The following SMAD2 variants were observed in gnomAD, a reference collection of about 807,000 sequenced individuals.
The protein encoded by SMAD2 is SMAD family member 2, also known as MAD homolog 2.
In SMAD2, 8 loss-of-function variants were observed where a neutral mutation model predicts 64.4. The ratio of observed to expected loss-of-function variants is 0.12; its 90% confidence interval spans 0.07 to 0.22. SMAD2 has a LOEUF of 0.22. Among genes scored for constraint, SMAD2 ranks in the 10% least tolerant of loss-of-function variants. SMAD2 has a pLI of 1.00. For missense variants in SMAD2, 289 were observed against 561.2 expected (o/e 0.51, Z 4.90); for synonymous variants, 203 against 195.8 (o/e 1.04, Z -0.31).
In SMAD2 at chr18:47,831,216, T is replaced by C. The variant is rs542075077; in HGVS notation, c.*10611A>G. ...ACCAGGCTTGTGGTTATCAATTTTC[T>C]GCTCACCATATAAGCAGTAGCTCAA... On this transcript the variant is annotated 3_prime_UTR_variant, in exon 11 of 11. Coordinates refer to ENST00000262160, the MANE Select transcript of SMAD2 (RefSeq NM_005901.6). 2.3e-4 allele frequency: 35 copies of C among 152,388 alleles called. No individual in the cohort carries two copies. Among genetic ancestry groups the C allele is most frequent in the African/African-American group, 8.4e-4 (35 of 41,584 alleles). 9.4% of individuals were successfully genotyped at this position (152,388 alleles called of 1,614,324 possible). A position where few individuals can be genotyped will look rare whatever the true frequency, so the allele number is the denominator to read the frequency against.
chr18:47,831,197 C>G lies in SMAD2; in HGVS notation c.*10630G>C, dbSNP rs1265136306. Reference sequence around the variant, plus strand: ...GGGCTTCATAGCAGAACCTACCAGGCTTGTGGTTATCAATTTTCTGCTCAC... The same window carrying G: ...GGGCTTCATAGCAGAACCTACCAGGGTTGTGGTTATCAATTTTCTGCTCAC... On this transcript the variant is annotated 3_prime_UTR_variant, in exon 11 of 11. Coordinates refer to ENST00000262160, the MANE Select transcript of SMAD2 (RefSeq NM_005901.6). The G allele has an allele frequency of 6.6e-6, 1 of 152,230 alleles. No individual in the cohort carries two copies. Among genetic ancestry groups the G allele is most frequent in the East Asian group, 1.9e-4 (1 of 5,202 alleles). The allele number at this position is 152,230 out of a possible 1,614,324, so 9.4% of individuals were successfully genotyped here. A position where few individuals can be genotyped will look rare whatever the true frequency, so the allele number is the denominator to read the frequency against.
At chr18:47,881,834 A>G (rs571059776) in intron 2 of SMAD2, among the ~76,000 whole-genome samples, 1 of 152,198 alleles carries the variant, frequency 6.6e-6, no homozygotes, top group South Asian at 2.1e-4. Flanking sequence ...GTGATCTTAT[A>G]GTTTCCCTCC....
chr18:47,827,453 T>A lies in SMAD2; in HGVS notation c.*14374A>T, dbSNP rs1912794287. 6.6e-6 allele frequency: 1 copy of A among 152,154 alleles called. No homozygotes were observed. Among genetic ancestry groups the A allele is most frequent in the African/African-American group, 2.4e-5 (1 of 41,402 alleles). The allele number at this position is 152,154 out of a possible 1,614,324, so 9.4% of individuals were successfully genotyped here. A position where few individuals can be genotyped will look rare whatever the true frequency, so the allele number is the denominator to read the frequency against. Reference sequence around the variant, plus strand: ...CAATAACGGTTAGAAAAAAAGCACATCCCTCTCCCTCTCCCGTCTCCCCCC... The same window carrying A: ...CAATAACGGTTAGAAAAAAAGCACAACCCTCTCCCTCTCCCGTCTCCCCCC... On this transcript the variant is annotated 3_prime_UTR_variant, in exon 11 of 11. Transcript: ENST00000262160.
At chr18:47,873,437 A>T (rs1279450724) in intron 2 of SMAD2, among the ~76,000 whole-genome samples, 1 of 152,230 alleles carries the variant, frequency 6.6e-6, no homozygotes, top group East Asian at 1.9e-4. Flanking sequence ...TGTTTTAAAA[A>T]TCCAGGTATT....
chr18:47,926,090 A>C (rs1180664496), intron 1 of SMAD2, among the ~76,000 whole-genome samples: 3 of 152,374 alleles, frequency 2.0e-5, no homozygotes, highest in Middle Eastern at 3.4e-3. Flanking sequence ...TACCACACTG[A>C]AACAGCCTTT....
At chr18:47,923,831 T>G (rs2034656390) in intron 1 of SMAD2, among the ~76,000 whole-genome samples, 1 of 152,206 alleles carries the variant, frequency 6.6e-6, no homozygotes, top group Non-Finnish European at 1.5e-5. Context: ...TACTACTGGT[T>G]TCGAGCAGAA....
rs1912521922 is a variant in SMAD2 at position 47,820,193 on chromosome 18, G to A, written c.*21634C>T. 1 of 151,754 alleles carries A rather than the reference G, an allele frequency of 6.6e-6. No individual in the cohort carries two copies. The highest frequency in any genetic ancestry group is 1.5e-5 in the Non-Finnish European group (1 of 67,968). The allele number at this position is 151,754 out of a possible 1,614,324, so 9.4% of individuals were successfully genotyped here. On this transcript the variant is annotated 3_prime_UTR_variant, in exon 11 of 11. Transcript: ENST00000262160. ...AATTATAGAAAGACTAAATATATTTGGGCCTATTAATATACAAAGTTATAA... is the reference window on the plus strand; with the variant it reads ...AATTATAGAAAGACTAAATATATTTAGGCCTATTAATATACAAAGTTATAA...
At position 47,837,923 on chromosome 18, in the gene SMAD2, T is replaced by C. The variant is rs544717681; in HGVS notation, c.*3904A>G. The stretch of plus-strand genomic sequence containing the variant: ...GTGAAGATTGTCTTGTGTTACTTTA[T>C]ATCCCAACATAAACCTACGCCACCC... On this transcript the variant is annotated 3_prime_UTR_variant, in exon 11 of 11. Coordinates refer to ENST00000262160, the MANE Select transcript of SMAD2 (RefSeq NM_005901.6). 1 of 232,722 alleles carries C rather than the reference T, an allele frequency of 4.3e-6. No homozygotes were observed. The highest frequency in any genetic ancestry group is 1.8e-4 in the South Asian group (1 of 5,524). 14.4% of individuals were successfully genotyped at this position (232,722 alleles called of 1,614,324 possible). A position where few individuals can be genotyped will look rare whatever the true frequency, so the allele number is the denominator to read the frequency against.
chr18:47,835,852 T>A lies in SMAD2; in HGVS notation c.*5975A>T. 5.0e-6 allele frequency: 1 copy of A among 201,210 alleles called. No individual in the cohort carries two copies. Among genetic ancestry groups the A allele is most frequent in the East Asian group, 7.7e-5 (1 of 13,052 alleles). The allele number at this position is 201,210 out of a possible 1,614,324, so 12.5% of individuals were successfully genotyped here. A position where few individuals can be genotyped will look rare whatever the true frequency, so the allele number is the denominator to read the frequency against. The stretch of plus-strand genomic sequence containing the variant: ...AAATAAGTAAATCAAAGAGCATATT[T>A]GGAGAAACTAAGAGCTGTTAACTGT... On this transcript the variant is annotated 3_prime_UTR_variant, in exon 11 of 11. Transcript: ENST00000262160.
At position 47,828,785 on chromosome 18, in the gene SMAD2, C is replaced by CAA. The variant is rs574987940; in HGVS notation, c.*13040_*13041dup. 53 of 182,414 alleles carry CAA rather than the reference C, an allele frequency of 2.9e-4. 1 individual carries two copies. The South Asian group carries it at 7.3e-3, about 25-fold the overall frequency. The allele number at this position is 182,414 out of a possible 1,614,324, so 11.3% of individuals were successfully genotyped here. On this transcript the variant is annotated 3_prime_UTR_variant, in exon 11 of 11. Coordinates refer to ENST00000262160, the MANE Select transcript of SMAD2 (RefSeq NM_005901.6). ...CCTTAATCTCAAGTACCCAGGGACA[C>CAA]AAACACTGCAGAAGGCCGCAGGGTC... is the stretch of plus-strand genomic sequence containing the variant.
chr18:47,922,888 A>G (rs1568119974), intron 1 of SMAD2, among the ~76,000 whole-genome samples: 1 of 152,356 alleles, frequency 6.6e-6, no homozygotes, highest in East Asian at 1.9e-4. Context: ...GTCGGCCCCC[A>G]TGGAGAATGA....
chr18:47,925,978 A>G (rs183857931), intron 1 of SMAD2, among the ~76,000 whole-genome samples: 3 of 152,366 alleles, frequency 2.0e-5, no homozygotes, highest in Admixed American at 1.3e-4. Flanking sequence ...AACACAGTGA[A>G]AAGCATACAC....
intron 2 of SMAD2, among the ~76,000 whole-genome samples, chr18:47,884,902 G>A (rs2032801490): frequency 6.6e-6 from 1 of 151,938 alleles, no homozygotes. Context: ...ACTCTACTCT[G>A]AGATACCGTT....
chr18:47,877,787 A>G (rs1175638355), intron 2 of SMAD2, among the ~76,000 whole-genome samples: 1 of 152,184 alleles, frequency 6.6e-6, no homozygotes, highest in African/African-American at 2.4e-5. Flanking sequence ...AGATGCAAAA[A>G]ACTGTATCTC....
chr18:47,920,935 G>A (rs893696080), intron 1 of SMAD2, among the ~76,000 whole-genome samples: 2 of 152,192 alleles, frequency 1.3e-5, no homozygotes, highest in Non-Finnish European at 2.9e-5. Flanking sequence ...CAGGCAAATC[G>A]CTTGAGCCCA....
intron 2 of SMAD2, among the ~76,000 whole-genome samples, chr18:47,873,587 C>T (rs1180272496): frequency 1.3e-5 from 2 of 152,080 alleles, no homozygotes; most frequent in Non-Finnish European, 2.9e-5. Flanking sequence ...TAAAAGAATA[C>T]ACAAAACAGA....
Position 47,865,051 on chromosome 18 carries a change from T to C in SMAD2, c.730+8A>G. On this transcript the variant is annotated splice_region_variant and intron_variant, in intron 6 of 10. Transcript: ENST00000262160. Reference sequence around the variant, plus strand: ...TAACTGAGGAATTTTCAAAGACATTTTTTTTACCTGTGTCCATACTTTGAT... The same window carrying C: ...TAACTGAGGAATTTTCAAAGACATTCTTTTTACCTGTGTCCATACTTTGAT... 1 of 1,545,236 alleles carries C rather than the reference T, an allele frequency of 6.5e-7. No individual in the cohort carries two copies.
Position 47,839,547 on chromosome 18 carries a change from GTTAAA to G in SMAD2, c.*2275_*2279del, listed in dbSNP as rs1242017506. 17 of 233,240 alleles carry G rather than the reference GTTAAA, an allele frequency of 7.3e-5. No homozygotes were observed. The East Asian group carries it at 9.6e-4, about 13-fold the overall frequency. The allele number at this position is 233,240 out of a possible 1,614,324, so 14.4% of individuals were successfully genotyped here. ...GTGAGAGCTTACACAACAAAAGCTT[GTTAAA>G]TTAAGTAGTACTGATGTGGTGCAAA... On this transcript the variant is annotated 3_prime_UTR_variant, in exon 11 of 11. Transcript: ENST00000262160.
intron 1 of SMAD2, among the ~76,000 whole-genome samples, chr18:47,923,071 C>A (rs1470804947): frequency 6.8e-6 from 1 of 146,586 alleles, no homozygotes; most frequent in Non-Finnish European, 1.5e-5. Context: ...TTTTTTTTAA[C>A]TAAGAGTTAT....
Sources: allele counts gnomAD v4.1 joint callset (sites outside exome capture counted in the v4.1 genomes callset), GRCh38; gene constraint gnomAD v4.1.1; transcripts MANE v1.5; gene names NCBI Gene and HGNC (gene_info 2026-07-23, HGNC 2026-07-21).